Variants in FBXO38 observed in about 807,000 individuals in gnomAD.
The protein encoded by FBXO38 is F-box only protein 38.
FBXO38 carries 53 observed loss-of-function variants against 131.9 expected under a neutral mutation model. The ratio of observed to expected loss-of-function variants is 0.40; its 90% CI spans 0.32 to 0.51. The LOEUF (loss-of-function observed/expected upper bound fraction) is 0.51, where lower values mean the gene tolerates loss of function less well. Ranked by LOEUF, FBXO38 falls within the 20% of genes least tolerant of loss-of-function variation. The probability of loss-of-function intolerance (pLI) is 0.53; values close to 1 mark genes in which losing one functional copy is unlikely to be tolerated. For missense variants in FBXO38, 1,076 were observed against 1,475.6 expected (o/e 0.73, Z 4.44); for synonymous variants, 452 against 505.6 (o/e 0.89, Z 1.42).
rs1026115013 is a variant in FBXO38, at chr5:148,417,020, A to G, written c.1434A>G (p.Ala478=). The G allele has an allele frequency of 6.2e-7, 1 of 1,613,836 alleles. No homozygotes were observed. The highest frequency in any genetic ancestry group is 8.5e-7 in the Non-Finnish European group (1 of 1,179,788). The change falls in exon 12 of 22, where the codon GCA becomes GCG. Residue 478 remains alanine (A), a synonymous_variant. Coordinates refer to ENST00000340253, the MANE Select transcript of FBXO38 (RefSeq NM_205836.3). The stretch of plus-strand genomic sequence containing the variant: ...GTTGTGCTCGAGTTGGTCTGAGTGC[A>G]GGCACAGGAATTGGTGTTTCATCAG... ...PKGCARVGLS[A]GTGIGVSSAL... is the part of the protein sequence containing the mutation.
intron 17 of FBXO38, chr5:148,434,512 A>G (rs1561545251): frequency 6.6e-6 from 1 of 152,110 alleles, no homozygotes; most frequent in African/African-American, 2.4e-5. Context: ...ATTTTTTTCA[A>G]TCTGTAAGCC....
At position 148,442,664 on chromosome 5, in the gene FBXO38, T is replaced by G. The variant is rs895013575; in HGVS notation, c.*517T>G. On this transcript the variant is annotated 3_prime_UTR_variant, in exon 22 of 22. Coordinates refer to ENST00000340253, the MANE Select transcript of FBXO38 (RefSeq NM_205836.3). ...GTACAAAGCTGTAGTTCTTTCTTAGTATTATAGTTGCCATGTTTCTTAAAA... is the reference window on the plus strand; with the variant it reads ...GTACAAAGCTGTAGTTCTTTCTTAGGATTATAGTTGCCATGTTTCTTAAAA... 3.9e-5 allele frequency: 6 copies of G among 152,180 alleles called. No individual in the cohort carries two copies. Among genetic ancestry groups the G allele is most frequent in the African/African-American group, 1.4e-4 (6 of 41,436 alleles). The allele number at this position is 152,180 out of a possible 1,614,324, so 9.4% of individuals were successfully genotyped here.
chr5:148,439,626 T>C (rs1255069983), intron 18 of FBXO38, 21 bp from the exon 19 acceptor site: 1 of 1,607,074 alleles, frequency 6.2e-7, no homozygotes, highest in Admixed American at 1.7e-5. Flanking sequence ...TGAAGACATC[T>C]CTTTATGATG....
rs1754129762 is a variant in FBXO38, at chr5:148,433,125, A to G, written c.2654-299A>G. ...AGGAAAGATAGGAGTTCAATTCACC[A>G]ATAGTATTTAGGATGGGATGAGTCA... On this transcript the variant is annotated intron_variant, in intron 15 of 21. Coordinates refer to ENST00000340253, the MANE Select transcript of FBXO38 (RefSeq NM_205836.3). The G allele has an allele frequency of 1.7e-5, 4 of 238,394 alleles. No individual in the cohort carries two copies. The South Asian group carries it at 2.7e-4, about 16-fold the overall frequency. The allele number at this position is 238,394 out of a possible 1,614,324, so 14.8% of individuals were successfully genotyped here.
At chr5:148,414,763 ATC>A (rs1383903806) in intron 10 of FBXO38, among the ~76,000 whole-genome samples, 1 of 152,074 alleles carries the variant, frequency 6.6e-6, no homozygotes, top group Non-Finnish European at 1.5e-5. Context: ...TCTATTTCAG[ATC>A]TCCCCCTCCA....
chr5:148,414,243 T>G lies in FBXO38; in HGVS notation c.1201T>G (p.Cys401Gly). The G allele has an allele frequency of 6.2e-7, 1 of 1,612,868 alleles. No homozygotes were observed. Among genetic ancestry groups the G allele is most frequent in the Non-Finnish European group, 8.5e-7 (1 of 1,179,412 alleles). ...GMKAVNEVFS[C>G]IKYLAIYNCP... ...GAAAGCAGTCAATGAAGTTTTTTCC[T>G]GTATCAAATATCTGGCAATTTACAA... The change falls in exon 10 of 22, where the codon TGT (cysteine) becomes GGT (glycine). Residue 401 changes from cysteine (C) to glycine (G), a missense_variant. By Grantham distance (159) the Cys-to-Gly change is radical. Around this residue, in one of 8 missense-constraint regions of FBXO38, gnomAD observed 146 missense variants for 274.3 expected, o/e 0.53. Transcript: ENST00000340253.
intron 11 of FBXO38, 168 bp from the exon 12 acceptor site, chr5:148,416,826 G>C (rs1479930685): frequency 1.7e-6 from 1 of 595,140 alleles, no homozygotes; most frequent in Non-Finnish European, 3.0e-6. Context: ...CTATCTTGAA[G>C]TGTTGCAGGC....
chr5:148,425,484 C>A, intron 13 of FBXO38, 38 bp from the exon 14 acceptor site: 1 of 1,540,026 alleles, frequency 6.5e-7, no homozygotes, highest in Non-Finnish European at 8.9e-7. Flanking sequence ...TCCTTTCTTG[C>A]GCAAAAAGTA....
chr5:148,439,147 T>A (rs550100241), intron 18 of FBXO38, among the ~76,000 whole-genome samples: 1 of 152,166 alleles, frequency 6.6e-6, no homozygotes, highest in Non-Finnish European at 1.5e-5. Flanking sequence ...CAAACACTTA[T>A]GCCACGCAGA....
At chr5:148,428,944 T>A (rs1753877076) in intron 15 of FBXO38, among the ~76,000 whole-genome samples, 1 of 152,196 alleles carries the variant, frequency 6.6e-6, no homozygotes, top group Non-Finnish European at 1.5e-5. Flanking sequence ...CCAGCTTAAA[T>A]TGTAAATGTT....
intron 3 of FBXO38, among the ~76,000 whole-genome samples, chr5:148,399,978 C>T (rs1159208935): frequency 6.6e-6 from 1 of 151,598 alleles, no homozygotes; most frequent in Non-Finnish European, 1.5e-5. Flanking sequence ...AGATAATTGT[C>T]TTGTTCTGTT....
intron 17 of FBXO38, among the ~76,000 whole-genome samples, chr5:148,436,051 A>T (rs1464393037): frequency 6.6e-6 from 1 of 152,214 alleles, no homozygotes; most frequent in Non-Finnish European, 1.5e-5. Flanking sequence ...ACCATAATGG[A>T]TAAAATAATA....
rs771939491 is a variant in FBXO38, at chr5:148,425,507, G to C, written c.1739-15G>C. ...TGCGCAAAAAGTAACTGTTAGGCCT[G>C]TGCTTTTTTTTAAGGACCCAGTGGT... On this transcript the variant is annotated splice_polypyrimidine_tract_variant and intron_variant, in intron 13 of 21. Coordinates refer to ENST00000340253, the MANE Select transcript of FBXO38 (RefSeq NM_205836.3). The C allele has an allele frequency of 2.5e-6, 4 of 1,606,084 alleles. No homozygotes were observed. The highest frequency in any genetic ancestry group is 2.7e-5 in the African/African-American group (2 of 74,650).
Position 148,424,009 on chromosome 5 carries a change from A to T in FBXO38, c.1630A>T (p.Met544Leu), listed in dbSNP as rs1274071247. 6.2e-7 allele frequency: 1 copy of T among 1,612,360 alleles called. No homozygotes were observed. The highest frequency in any genetic ancestry group is 8.5e-7 in the Non-Finnish European group (1 of 1,179,334). Residue 544 changes from methionine (M) to leucine (L), a missense_variant, in exon 13 of 22, where the codon ATG (methionine) becomes TTG (leucine). This residue lies in a region of FBXO38 where 212 missense variants were observed against 221.2 expected (regional missense o/e 0.96). Coordinates refer to ENST00000340253, the MANE Select transcript of FBXO38 (RefSeq NM_205836.3). Reference protein sequence around the residue: ...QQFAADALNEMEDIVQEDGEV... With the variant: ...QQFAADALNELEDIVQEDGEV... ...TATTTTCGTTGAAGCATTAAATGAGATGGAAGACATCGTCCAAGAAGATGG... is the reference window on the plus strand; with the variant it reads ...TATTTTCGTTGAAGCATTAAATGAGTTGGAAGACATCGTCCAAGAAGATGG...
At chr5:148,416,924 G>T in intron 11 of FBXO38, 70 bp from the exon 12 acceptor site, 1 of 838,794 alleles carries the variant, frequency 1.2e-6, no homozygotes, top group South Asian at 1.4e-5. Context: ...GTGAAATGAA[G>T]GGATATTAAA....
chr5:148,420,884 T>A (rs1753382075), intron 12 of FBXO38, among the ~76,000 whole-genome samples: 1 of 152,134 alleles, frequency 6.6e-6, no homozygotes, highest in African/African-American at 2.4e-5. Flanking sequence ...TCTCAACTCC[T>A]GGGCTCAAGC....
At chr5:148,398,578 T>G (rs1398212652) in intron 2 of FBXO38, among the ~76,000 whole-genome samples, 2 of 152,090 alleles carry the variant, frequency 1.3e-5, no homozygotes, top group Non-Finnish European at 2.9e-5. Context: ...CAGGAGTAGA[T>G]TCTGTAAAAG....
intron 2 of FBXO38, among the ~76,000 whole-genome samples, chr5:148,396,708 A>G (rs1758499079): frequency 1.3e-5 from 2 of 152,148 alleles, no homozygotes; most frequent in Admixed American, 6.5e-5. Context: ...GCTCACTGCA[A>G]CCTTGAACTC....
chr5:148,396,768 G>C (rs1758505140), intron 2 of FBXO38, among the ~76,000 whole-genome samples: 1 of 152,058 alleles, frequency 6.6e-6, no homozygotes, highest in South Asian at 2.1e-4. Flanking sequence ...ACTGCGCTTG[G>C]CTAATTTTTT....
Sources: allele counts gnomAD v4.1 joint callset (sites outside exome capture counted in the v4.1 genomes callset), GRCh38; gene constraint gnomAD v4.1.1; regional missense constraint gnomAD v4.1.1; transcripts MANE v1.5; gene names NCBI Gene and HGNC (gene_info 2026-07-23, HGNC 2026-07-21).